Variants in UACA observed in about 807,000 individuals in gnomAD.
UACA encodes nuclear membrane binding protein.
A neutral mutation model predicts 160.5 loss-of-function variants in UACA; 112 were observed. The ratio of observed to expected loss-of-function variants is 0.70; its 90% CI spans 0.60 to 0.82. The LOEUF is 0.82. UACA is among the 40% of genes least tolerant of loss of function. The pLI, the probability that UACA is intolerant of heterozygous loss-of-function variation, is 0.00. For synonymous variants in UACA, 557 were observed against 568.4 expected, an observed-to-expected ratio of 0.98 and a Z score of 0.29; for missense variants, 1,574 against 1,614.6, an observed-to-expected ratio of 0.97 and a Z score of 0.43.
intron 1 of UACA, among the ~76,000 whole-genome samples, chr15:70,709,929 A>G (rs148777650): frequency 6.6e-6 from 1 of 152,278 alleles, no homozygotes; most frequent in African/African-American, 2.4e-5. Context: ...ATCCCGAACA[A>G]AAGTATCTAA....
chr15:70,671,887 G>C, intron 14 of UACA, 78 bp downstream of exon 14: 2 of 1,285,528 alleles, frequency 1.6e-6, no homozygotes, highest in Non-Finnish European at 2.2e-6. Context: ...TTCCTGTATA[G>C]TTAAACAAGT....
In UACA at chr15:70,669,142, T is replaced by C; in HGVS notation, c.1542A>G (p.Lys514=). ...GGGCAAGAAAATGGGTCTGCATTTG[T>C]TTAACTTTACCTTCTGACTCATACA... ...KRMYESEGKV[K]QMQTHFLALK... is the part of the protein sequence containing the mutation. The change falls in exon 16 of 19, where the codon AAA becomes AAG. Residue 514 remains lysine (K), a synonymous_variant. Coordinates refer to ENST00000322954, the MANE Select transcript of UACA (RefSeq NM_018003.4). 1 of 1,614,142 alleles carries C rather than the reference T, an allele frequency of 6.2e-7. No individual in the cohort carries two copies. Among genetic ancestry groups the C allele is most frequent in the South Asian group, 1.1e-5 (1 of 91,082 alleles).
At chr15:70,658,298 T>C (rs1258299193) in intron 18 of UACA, among the ~76,000 whole-genome samples, 4 of 152,204 alleles carry the variant, frequency 2.6e-5, no homozygotes, top group Non-Finnish European at 5.9e-5. Context: ...CCCCTAACGA[T>C]GGACATTTAA....
chr15:70,750,956 A>T (rs542497966), intron 1 of UACA, among the ~76,000 whole-genome samples: 1 of 152,342 alleles, frequency 6.6e-6, no homozygotes, highest in Admixed American at 6.5e-5. Context: ...GTACGTAGAG[A>T]TGGTGGTTAT....
At chr15:70,682,063 C>T (rs1897527587) in intron 9 of UACA, 1 of 152,190 alleles carries the variant, frequency 6.6e-6, no homozygotes. Flanking sequence ...AGGAAAGCTG[C>T]CTACACTAGC....
intron 1 of UACA, among the ~76,000 whole-genome samples, chr15:70,700,243 C>CG (rs1051705602): frequency 6.7e-6 from 1 of 149,110 alleles, no homozygotes; most frequent in Non-Finnish European, 1.5e-5. Context: ...ACTACCCCCC[C>CG]CCAACACAGA....
chr15:70,729,451 A>G (rs918770901), intron 1 of UACA, among the ~76,000 whole-genome samples: 14 of 152,242 alleles, frequency 9.2e-5, no homozygotes, highest in Non-Finnish European at 2.1e-4. Context: ...ACCAAATCCC[A>G]CATGTTCCTG....
chr15:70,708,301 G>A (rs1329930038), intron 1 of UACA, among the ~76,000 whole-genome samples: 1 of 152,084 alleles, frequency 6.6e-6, no homozygotes, highest in Non-Finnish European at 1.5e-5. Flanking sequence ...TGTTTAATGG[G>A]TATAGAGTTT....
Position 70,667,145 on chromosome 15 carries a change from A to T in UACA, c.3539T>A (p.Val1180Asp). ...TCTCAAGCTGGCTTTTATGATTCCA[A>T]CTTCTTTCTCAAATGCTTCTTTAAT... ...LQIKEAFEKEVGIIKASLREK... is the reference protein window; with the variant it reads ...LQIKEAFEKEDGIIKASLREK... The change falls in exon 16 of 19, where the codon GTT becomes GAT. Residue 1180 changes from valine (V) to aspartate (D), a missense_variant. Transcript: ENST00000322954. 6.2e-7 allele frequency: 1 copy of T among 1,613,484 alleles called. No homozygotes were observed. The highest frequency in any genetic ancestry group is 8.5e-7 in the Non-Finnish European group (1 of 1,179,910).
intron 1 of UACA, among the ~76,000 whole-genome samples, chr15:70,739,315 T>C (rs1253295177): frequency 6.6e-6 from 1 of 152,150 alleles, no homozygotes; most frequent in African/African-American, 2.4e-5. Flanking sequence ...CTGCACATTG[T>C]AGGATGTGCA....
chr15:70,691,272 AG>A, intron 4 of UACA, 26 bp downstream of exon 4: 1 of 1,514,352 alleles, frequency 6.6e-7, no homozygotes. Context: ...AAAATAATAA[AG>A]CTAAAGTATT....
chr15:70,767,512 C>T (rs1320986969), upstream of UACA, among the ~76,000 whole-genome samples: 6 of 151,228 alleles, frequency 4.0e-5, no homozygotes, highest in East Asian at 1.2e-3. Flanking sequence ...CGCTTGAACC[C>T]AGGAGGCAGA....
Position 70,664,765 on chromosome 15 carries a change from C to T in UACA, c.4010G>A (p.Gly1337Asp), listed in dbSNP as rs368965063. ...ACTTGTGTAGGTGAGTTGGGAAAGG[C>T]CATTGAGTGCCTGTTTTAATCTTTC... ...DVERLKQALN[G>D]LSQLTYTSGN... The change falls in exon 17 of 19, where the codon GGC becomes GAC. Residue 1337 changes from glycine to aspartate, a missense_variant. Physicochemically the swap from Gly to Asp is moderately conservative, Grantham distance 94. Coordinates refer to ENST00000322954, the MANE Select transcript of UACA (RefSeq NM_018003.4). The T allele has an allele frequency of 9.3e-6, 15 of 1,613,294 alleles. No individual in the cohort carries two copies. The highest frequency in any genetic ancestry group is 3.3e-5 in the Admixed American group (2 of 59,868).
Position 70,669,420 on chromosome 15 carries a change from T to C in UACA, c.1264A>G (p.Met422Val). The stretch of plus-strand genomic sequence containing the variant: ...AAAGATAGTTCCAGAGGTCTTAACA[T>C]AGATCTGCTTTGCATATGGGCTGGT... ...GIPAHMQSRS[M>V]LRPLELSLPS... The change falls in exon 16 of 19, where the codon ATG (methionine) becomes GTG (valine). Residue 422 changes from methionine to valine, a missense_variant. Coordinates refer to ENST00000322954, the MANE Select transcript of UACA (RefSeq NM_018003.4). 6.2e-7 allele frequency: 1 copy of C among 1,609,964 alleles called. No homozygotes were observed.
intron 1 of UACA, among the ~76,000 whole-genome samples, chr15:70,722,631 A>G (rs1463286140): frequency 6.6e-6 from 1 of 152,158 alleles, no homozygotes; most frequent in Non-Finnish European, 1.5e-5. Context: ...ATTTTTTGTT[A>G]TACGTCTTTT....
At chr15:70,717,787 T>C (rs574318141) in intron 1 of UACA, among the ~76,000 whole-genome samples, 1 of 152,310 alleles carries the variant, frequency 6.6e-6, no homozygotes, top group Admixed American at 6.5e-5. Flanking sequence ...CAGATGTAAC[T>C]GTGAAGGTAT....
At chr15:70,687,700 A>G (rs1285128932) in intron 6 of UACA, 50 bp downstream of exon 6, 1 of 1,613,036 alleles carries the variant, frequency 6.2e-7, no homozygotes, top group African/African-American at 1.3e-5. Context: ...CCCAAAATGT[A>G]GAAGTTAGAA....
At chr15:70,674,922 G>A (rs1043609536) in intron 13 of UACA, among the ~76,000 whole-genome samples, 25 of 152,138 alleles carry the variant, frequency 1.6e-4, no homozygotes, top group African/African-American at 5.6e-4. Flanking sequence ...TAAGACATGC[G>A]AAAGTCTAGC....
At chr15:70,681,412 G>A (rs1265069833) in intron 9 of UACA, 1 of 152,044 alleles carries the variant, frequency 6.6e-6, no homozygotes, top group East Asian at 1.9e-4. Context: ...TTTAGTAAGT[G>A]TATTCAATAA....
Sources: gnomAD v4.1 joint callset for allele counts (sites outside exome capture counted in the v4.1 genomes callset) on GRCh38, gnomAD v4.1.1 for gene constraint, MANE v1.5 for transcripts, NCBI Gene and HGNC (gene_info 2026-07-23, HGNC 2026-07-21) for gene names.